The following RAB27B variants were observed in gnomAD, a reference collection of about 807,000 sequenced individuals.
The protein encoded by RAB27B is ras-related protein Rab-27B.
RAB27B carries 15 observed loss-of-function variants against 24.6 expected under a neutral mutation model. The observed-to-expected ratio is 0.61, with a 90% CI of 0.41 to 0.94. The LOEUF (loss-of-function observed/expected upper bound fraction) is 0.94. Among genes scored for constraint, RAB27B ranks in the 40% least tolerant of loss-of-function variants. The pLI, the probability that RAB27B is intolerant of heterozygous loss-of-function variation, is 0.00. For missense variants in RAB27B, 261 were observed against 266.8 expected (o/e 0.98, Z 0.15); for synonymous variants, 105 against 92.5 (o/e 1.14, Z -0.78).
At chr18:54,742,040 G>A (rs549232298) in intron 2 of RAB27B, among the ~76,000 whole-genome samples, 1 of 152,334 alleles carries the variant, frequency 6.6e-6, no homozygotes, top group East Asian at 1.9e-4. Flanking sequence ...GTATATTTCA[G>A]TGTAAAAGTT....
chr18:54,874,075 G>T (rs1598983603), intron 1 of RAB27B, among the ~76,000 whole-genome samples: 1 of 152,284 alleles, frequency 6.6e-6, no homozygotes, highest in East Asian at 1.9e-4. Context: ...CCCCAGGCAG[G>T]TTTATGTACA....
chr18:54,788,996 C>T (rs953256568), intron 2 of RAB27B, among the ~76,000 whole-genome samples: 23 of 152,014 alleles, frequency 1.5e-4, no homozygotes, highest in East Asian at 3.8e-4. Flanking sequence ...CACAAATTCA[C>T]GGTCCTAAGT....
intron 2 of RAB27B, among the ~76,000 whole-genome samples, chr18:54,808,082 C>A (rs1428971752): frequency 6.6e-6 from 1 of 152,198 alleles, no homozygotes; most frequent in East Asian, 1.9e-4. Flanking sequence ...CCTTCATAAA[C>A]AAAACTAGTT....
At chr18:54,770,361 T>C (rs1285140065) in intron 2 of RAB27B, among the ~76,000 whole-genome samples, 1 of 152,058 alleles carries the variant, frequency 6.6e-6, no homozygotes, top group Non-Finnish European at 1.5e-5. Context: ...TAGATTCTCA[T>C]AGGATCATGA....
chr18:54,801,022 T>TG (rs1215609137), intron 2 of RAB27B, among the ~76,000 whole-genome samples: 5 of 145,482 alleles, frequency 3.4e-5, no homozygotes, highest in Non-Finnish European at 6.1e-5. Context: ...TTTTTTTTTT[T>TG]TTTTTTTTTT....
rs1423446774 is a variant in RAB27B, at chr18:54,726,304, TGAC to T, written c.-20+8167_-20+8169del. Among the ~76,000 whole-genome samples, 5 of 151,610 alleles carry T rather than the reference TGAC, an allele frequency of 3.3e-5. 1 individual carries two copies. Among genetic ancestry groups the T allele is most frequent in the African/African-American group, 1.2e-4 (5 of 41,344 alleles). On this transcript the variant is annotated intron_variant, in intron 2 of 4. Transcript: ENST00000586570. ...CTAGGTGATACTGCCATTAAACTGA[TGAC>T]GACAACATTAAGAAAAAGTGGTTGG...
At chr18:54,793,770 G>A (rs1371129632) in intron 2 of RAB27B, among the ~76,000 whole-genome samples, 1 of 152,178 alleles carries the variant, frequency 6.6e-6, no homozygotes. Context: ...TAGAAGCCAG[G>A]CGTGGTGATA....
At chr18:54,791,960 T>A (rs930702947) in intron 2 of RAB27B, among the ~76,000 whole-genome samples, 5 of 152,162 alleles carry the variant, frequency 3.3e-5, no homozygotes, top group African/African-American at 9.7e-5. Context: ...CTTCTGGCTC[T>A]CCATGGTGGG....
chr18:54,771,756 A>G (rs904997044), intron 2 of RAB27B, among the ~76,000 whole-genome samples: 5 of 152,086 alleles, frequency 3.3e-5, no homozygotes, highest in African/African-American at 1.2e-4. Context: ...GGATATTTCT[A>G]CTTATAAAGA....
chr18:54,835,013 C>T (rs1304133115), intron 1 of RAB27B, among the ~76,000 whole-genome samples: 1 of 151,830 alleles, frequency 6.6e-6, no homozygotes, highest in Non-Finnish European at 1.5e-5. Flanking sequence ...CCCAATCTAA[C>T]TTAGGCAAGG....
intron 2 of RAB27B, among the ~76,000 whole-genome samples, chr18:54,793,590 C>A (rs997067566): frequency 1.3e-5 from 2 of 152,192 alleles, no homozygotes; most frequent in African/African-American, 4.8e-5. Flanking sequence ...ATGTTCATTT[C>A]TTAGGATATT....
chr18:54,873,188 G>C (rs1488530580), intron 1 of RAB27B, among the ~76,000 whole-genome samples: 1 of 152,096 alleles, frequency 6.6e-6, no homozygotes, highest in South Asian at 2.1e-4. Flanking sequence ...AAAAACTGAG[G>C]GGCTAGACCA....
At chr18:54,829,699 G>A (rs1362181688) in intron 1 of RAB27B, among the ~76,000 whole-genome samples, 3 of 152,050 alleles carry the variant, frequency 2.0e-5, no homozygotes, top group African/African-American at 7.2e-5. Flanking sequence ...AAAAGTTGAG[G>A]GAAAGGATAG....
intron 2 of RAB27B, among the ~76,000 whole-genome samples, chr18:54,819,554 A>G (rs577062763): frequency 6.7e-6 from 1 of 150,106 alleles, no homozygotes; most frequent in African/African-American, 2.4e-5. Flanking sequence ...AAAAGAAAAA[A>G]AAAAGAATAG....
chr18:54,820,409 A>T (rs1433119587), intron 2 of RAB27B, among the ~76,000 whole-genome samples: 1 of 152,182 alleles, frequency 6.6e-6, no homozygotes, highest in African/African-American at 2.4e-5. Flanking sequence ...TTGGCTGCAT[A>T]AATGTCTTCT....
At chr18:54,758,896 C>T (rs1908093362) in intron 2 of RAB27B, among the ~76,000 whole-genome samples, 1 of 152,122 alleles carries the variant, frequency 6.6e-6, no homozygotes, top group Non-Finnish European at 1.5e-5. Context: ...TCCTGGGCCT[C>T]ATTTAAAATG....
At chr18:54,769,669 G>T (rs973430120) in intron 2 of RAB27B, among the ~76,000 whole-genome samples, 2 of 151,986 alleles carry the variant, frequency 1.3e-5, no homozygotes, top group African/African-American at 4.8e-5. Flanking sequence ...AGATATTCTT[G>T]CAATATTTTA....
At chr18:54,833,248 T>TTTTTTTTA (rs1891360676) in intron 1 of RAB27B, among the ~76,000 whole-genome samples, 2 of 149,596 alleles carry the variant, frequency 1.3e-5, no homozygotes, top group African/African-American at 2.5e-5. Flanking sequence ...TTTTTTTTTT[T>TTTTTTTTA]GAGATGGAGT....
At chr18:54,744,158 C>T (rs564105747) in intron 2 of RAB27B, among the ~76,000 whole-genome samples, 2 of 152,202 alleles carry the variant, frequency 1.3e-5, no homozygotes, top group South Asian at 4.2e-4. Flanking sequence ...TGAGCCATGG[C>T]TACTTGTATA....
Sources: gnomAD v4.1 joint callset for allele counts (sites outside exome capture counted in the v4.1 genomes callset) on GRCh38, gnomAD v4.1.1 for gene constraint, MANE v1.5 for transcripts, NCBI Gene and HGNC (gene_info 2026-07-23, HGNC 2026-07-21) for gene names.